AGBL1: variants seen among roughly 807,000 people sequenced by gnomAD.
AGBL1 encodes the protein cytosolic carboxypeptidase 4.
A neutral mutation model predicts 118.9 loss-of-function variants in AGBL1; 130 were observed. The observed-to-expected ratio is 1.09, with a 90% confidence interval of 0.95 to 1.26. The LOEUF (loss-of-function observed/expected upper bound fraction) is 1.26, where lower values mean the gene tolerates loss of function less well. AGBL1 is among the 50% of genes most tolerant of loss of function. The pLI is 0.00. For missense variants in AGBL1, 1,584 were observed against 1,298.1 expected (o/e 1.22, Z -3.38); for synonymous variants, 555 against 478.9 (o/e 1.16, Z -2.08).
intron 22 of AGBL1, among the ~76,000 whole-genome samples, chr15:86,761,188 T>TTA (rs1237557918): frequency 6.6e-6 from 1 of 152,104 alleles, no homozygotes; most frequent in African/African-American, 2.4e-5. Flanking sequence ...TTTCATATAC[T>TTA]GTTTTCCAGG....
chr15:86,857,089 T>A (rs1301540324), intron 22 of AGBL1, among the ~76,000 whole-genome samples: 1 of 152,150 alleles, frequency 6.6e-6, no homozygotes, highest in African/African-American at 2.4e-5. Flanking sequence ...GCCACATTGT[T>A]TCTATGACCA....
At chr15:86,083,673 T>A (rs1187727355) in intron 1 of AGBL1, 1 of 152,194 alleles carries the variant, frequency 6.6e-6, no homozygotes, top group Admixed American at 6.5e-5. Context: ...TTGGACTTGA[T>A]CCTCCAGGGA....
At chr15:86,887,582 A>C (rs2079989084) in intron 22 of AGBL1, among the ~76,000 whole-genome samples, 1 of 152,240 alleles carries the variant, frequency 6.6e-6, no homozygotes, top group Non-Finnish European at 1.5e-5. Flanking sequence ...GTGAAAATAG[A>C]AATACCATTT....
chr15:87,010,740 A>G (rs1450501894), intron 24 of AGBL1, among the ~76,000 whole-genome samples: 1 of 152,182 alleles, frequency 6.6e-6, no homozygotes, highest in East Asian at 1.9e-4. Flanking sequence ...CTGGTTCTCT[A>G]GCTTGAAAAT....
intron 21 of AGBL1, among the ~76,000 whole-genome samples, chr15:86,590,659 T>C (rs1255735606): frequency 6.6e-6 from 1 of 152,206 alleles, no homozygotes; most frequent in Non-Finnish European, 1.5e-5. Flanking sequence ...AGACAATAGA[T>C]AGTAAATGTT....
intron 22 of AGBL1, among the ~76,000 whole-genome samples, chr15:86,793,127 T>C (rs977936552): frequency 6.6e-6 from 1 of 152,190 alleles, no homozygotes; most frequent in South Asian, 2.1e-4. Flanking sequence ...ATTTTCATGA[T>C]AAAACATTTA....
intron 24 of AGBL1, among the ~76,000 whole-genome samples, chr15:87,011,560 T>C (rs2081560420): frequency 6.6e-6 from 1 of 152,222 alleles, no homozygotes; most frequent in South Asian, 2.1e-4. Flanking sequence ...CAGCTTCTAC[T>C]GTCCATTTAA....
intron 19 of AGBL1, among the ~76,000 whole-genome samples, chr15:86,545,548 C>G (rs2083568296): frequency 6.6e-6 from 1 of 152,038 alleles, no homozygotes; most frequent in South Asian, 2.1e-4. Flanking sequence ...CCTCTCCCTT[C>G]TCCCACTCTC....
At chr15:86,599,017 GATT>G (rs1312542578) in intron 21 of AGBL1, among the ~76,000 whole-genome samples, 1 of 152,090 alleles carries the variant, frequency 6.6e-6, no homozygotes, top group African/African-American at 2.4e-5. Flanking sequence ...GGTTGAAATA[GATT>G]ATTAACTTTA....
chr15:86,460,136 G>T (rs942018476), intron 18 of AGBL1, among the ~76,000 whole-genome samples: 1 of 151,700 alleles, frequency 6.6e-6, no homozygotes, highest in African/African-American at 2.4e-5. Flanking sequence ...GGTCTTAGGT[G>T]TCACTTGCAG....
At chr15:86,326,822 C>G (rs1211988499) in intron 17 of AGBL1, among the ~76,000 whole-genome samples, 2 of 152,094 alleles carry the variant, frequency 1.3e-5, no homozygotes, top group Non-Finnish European at 2.9e-5. Flanking sequence ...GATGAAGTAT[C>G]TGAAAGAAGC....
chr15:87,004,434 A>T (rs1215644928), intron 24 of AGBL1, among the ~76,000 whole-genome samples: 2 of 152,134 alleles, frequency 1.3e-5, no homozygotes, highest in Non-Finnish European at 2.9e-5. Context: ...TCCCTTTACC[A>T]TTATGTAATG....
chr15:86,535,236 G>A (rs2083409165), intron 19 of AGBL1, among the ~76,000 whole-genome samples: 1 of 152,334 alleles, frequency 6.6e-6, no homozygotes, highest in Non-Finnish European at 1.5e-5. Context: ...TATAAGCAGA[G>A]AAGCCCAAAG....
Position 86,335,329 on chromosome 15 carries a change from G to A in AGBL1, c.2374+39921G>A, listed in dbSNP as rs144663203. On this transcript the variant is annotated intron_variant, in intron 17 of 22. Transcript: ENST00000614907. The stretch of plus-strand genomic sequence containing the variant: ...AATTTTTTGTATTTTTAGTAGAGAT[G>A]GGGTTTCACTGTGTTGGCCAGGATG... Among the ~76,000 whole-genome samples, 968 of 152,108 alleles carry A rather than the reference G, an allele frequency of 6.4e-3. 75 individuals carry two copies. In the East Asian group the frequency reaches 0.16, roughly 24 times the overall value.
chr15:86,727,730 C>T (rs2086842099), intron 22 of AGBL1, among the ~76,000 whole-genome samples: 1 of 150,306 alleles, frequency 6.7e-6, no homozygotes, highest in South Asian at 2.1e-4. Flanking sequence ...AATTTAAAGA[C>T]TCTAAGGAGA....
At chr15:86,786,641 G>A (rs1419687396) in intron 22 of AGBL1, among the ~76,000 whole-genome samples, 2 of 151,912 alleles carry the variant, frequency 1.3e-5, no homozygotes, top group African/African-American at 4.8e-5. Context: ...CCATTTTAAG[G>A]ACCATCTCTC....
chr15:86,723,794 G>A (rs2086774254), intron 22 of AGBL1, among the ~76,000 whole-genome samples: 1 of 152,096 alleles, frequency 6.6e-6, no homozygotes, highest in Admixed American at 6.6e-5. Flanking sequence ...GAAAGGAAGT[G>A]AGTATGTGAA....
At chr15:86,936,480 G>A (rs1200836783) in intron 23 of AGBL1, among the ~76,000 whole-genome samples, 1 of 152,054 alleles carries the variant, frequency 6.6e-6, no homozygotes, top group South Asian at 2.1e-4. Context: ...ATGTTAGCAG[G>A]ACATTCAAGA....
At chr15:86,624,859 A>G (rs2084860256) in intron 21 of AGBL1, among the ~76,000 whole-genome samples, 1 of 152,130 alleles carries the variant, frequency 6.6e-6, no homozygotes, top group African/African-American at 2.4e-5. Context: ...CACATTGCCA[A>G]GTGAGTCAGC....
Sources: gnomAD v4.1 joint callset for allele counts (sites outside exome capture counted in the v4.1 genomes callset) on GRCh38, gnomAD v4.1.1 for gene constraint, MANE v1.5 for transcripts, NCBI Gene and HGNC (gene_info 2026-07-23, HGNC 2026-07-21) for gene names.